PCNX2: variants seen among roughly 807,000 people sequenced by gnomAD.
PCNX2 encodes the protein pecanex 2.
In PCNX2, 168 loss-of-function variants were observed where a neutral mutation model predicts 223.8. The ratio of observed to expected loss-of-function variants is 0.75; its 90% CI spans 0.66 to 0.85. The LOEUF (loss-of-function observed/expected upper bound fraction) is 0.85, where lower values mean the gene tolerates loss of function less well. Ranked by LOEUF, PCNX2 falls within the 40% of genes least tolerant of loss-of-function variation. The pLI is 0.00. For missense variants in PCNX2, 2,507 were observed against 2,675.5 expected (o/e 0.94, Z 1.39); for synonymous variants, 1,006 against 1,052.6 (o/e 0.96, Z 0.86).
intron 8 of PCNX2, among the ~76,000 whole-genome samples, chr1:233,237,270 T>A (rs917550406): frequency 6.6e-6 from 1 of 152,148 alleles, no homozygotes; most frequent in Non-Finnish European, 1.5e-5. Flanking sequence ...TTAATTTTTT[T>A]AAATATTTAA....
chr1:233,198,384 T>C (rs1397052463), intron 15 of PCNX2, among the ~76,000 whole-genome samples: 1 of 152,100 alleles, frequency 6.6e-6, no homozygotes, highest in Non-Finnish European at 1.5e-5. Flanking sequence ...AATAGATACG[T>C]TTCTTGCCTG....
In PCNX2 at chr1:233,236,985, G is replaced by T. The variant is rs999984393; in HGVS notation, c.2223-5C>A. The T allele has an allele frequency of 3.1e-6, 5 of 1,613,558 alleles. No individual in the cohort carries two copies. The African/African-American group carries it at 5.3e-5, about 17-fold the overall frequency. ...GAGGAGCTGACCTGCATCTCTCTGA[G>T]GATGGGCAAAACAAAAGCTTTGGTT... On this transcript the variant is annotated splice_polypyrimidine_tract_variant and splice_region_variant and intron_variant, in intron 8 of 33. Transcript: ENST00000258229.
chr1:233,172,298 C>T lies in PCNX2; in HGVS notation c.3273+5504G>A. 6 of 961,692 alleles carry T rather than the reference C, an allele frequency of 6.2e-6. No individual in the cohort carries two copies. The South Asian group carries it at 1.9e-4, about 31-fold the overall frequency. The allele number at this position is 961,692 out of a possible 1,614,324, so 59.6% of individuals were successfully genotyped here. ...TTGGGAAACACTTGGACAAGGCAACCTTCTAGAAAGGATTTATGTTTGTTT... is the reference window on the plus strand; with the variant it reads ...TTGGGAAACACTTGGACAAGGCAACTTTCTAGAAAGGATTTATGTTTGTTT... On this transcript the variant is annotated intron_variant, in intron 17 of 33. Transcript: ENST00000258229.
chr1:233,098,623 G>A (rs930471993), intron 21 of PCNX2, among the ~76,000 whole-genome samples: 1 of 152,040 alleles, frequency 6.6e-6, no homozygotes, highest in African/African-American at 2.4e-5. Context: ...GAAGAAGCCA[G>A]ATCTCCTGAA....
intron 26 of PCNX2, among the ~76,000 whole-genome samples, chr1:233,022,964 T>A (rs1670948643): frequency 6.6e-6 from 1 of 152,178 alleles, no homozygotes; most frequent in African/African-American, 2.4e-5. Context: ...CCCAAAGTGC[T>A]GGGATTACAG....
chr1:233,199,548 GGTTAT>G (rs1227329160), intron 14 of PCNX2, among the ~76,000 whole-genome samples: 5 of 152,118 alleles, frequency 3.3e-5, no homozygotes, highest in African/African-American at 1.2e-4. Flanking sequence ...AACCCTATGA[GGTTAT>G]GATGTTTATT....
In PCNX2 at chr1:233,112,815, C is replaced by T. The variant is rs1675190241; in HGVS notation, c.3838-16952G>A. Reference sequence around the variant, plus strand: ...AAGTCTTACATGCTAGGCTTGATGTCCCAAATGGGGAGAAAAAGCTGACTC... The same window carrying T: ...AAGTCTTACATGCTAGGCTTGATGTTCCAAATGGGGAGAAAAAGCTGACTC... On this transcript the variant is annotated intron_variant, in intron 21 of 33. Coordinates refer to ENST00000258229, the MANE Select transcript of PCNX2 (RefSeq NM_014801.4). 6 of 1,255,398 alleles carry T rather than the reference C, an allele frequency of 4.8e-6. No homozygotes were observed. In the South Asian group the frequency reaches 7.8e-5, roughly 16 times the overall value. 77.8% of individuals were successfully genotyped at this position (1,255,398 alleles called of 1,614,324 possible). A position where few individuals can be genotyped will look rare whatever the true frequency, so the allele number is the denominator to read the frequency against.
chr1:233,018,231 C>T (rs1207009742), intron 26 of PCNX2, among the ~76,000 whole-genome samples: 1 of 151,438 alleles, frequency 6.6e-6, no homozygotes, highest in Non-Finnish European at 1.5e-5. Flanking sequence ...ATCTTGTTGC[C>T]CAGTCTGGTC....
intron 23 of PCNX2, among the ~76,000 whole-genome samples, chr1:233,059,554 C>T (rs970949590): frequency 1.2e-4 from 18 of 149,974 alleles, no homozygotes; most frequent in East Asian, 1.9e-4. Flanking sequence ...TACACCACAT[C>T]ATACATCTCT....
intron 25 of PCNX2, among the ~76,000 whole-genome samples, chr1:233,026,728 G>A (rs772246320): frequency 1.3e-5 from 2 of 152,208 alleles, no homozygotes; most frequent in Admixed American, 6.5e-5. Context: ...TGAGCAGGAT[G>A]AAGAATGAAA....
intron 15 of PCNX2, among the ~76,000 whole-genome samples, chr1:233,195,344 T>C (rs934644522): frequency 1.3e-5 from 2 of 152,176 alleles, no homozygotes; most frequent in African/African-American, 4.8e-5. Flanking sequence ...CTGGAAAATT[T>C]CCATAGCTAA....
intron 15 of PCNX2, among the ~76,000 whole-genome samples, chr1:233,197,751 AG>A (rs919780835): frequency 4.6e-4 from 70 of 152,336 alleles, no homozygotes; most frequent in African/African-American, 1.7e-3. Flanking sequence ...TCTTTCACAA[AG>A]GGAAATAAAC....
At chr1:233,113,077 C>T in intron 21 of PCNX2, 1 of 1,172,134 alleles carries the variant, frequency 8.5e-7, no homozygotes, top group Non-Finnish European at 1.1e-6. Context: ...ACTAAGAATG[C>T]AGCCACAGGC....
intron 21 of PCNX2, among the ~76,000 whole-genome samples, chr1:233,105,981 T>C (rs780125588): frequency 6.6e-6 from 1 of 152,116 alleles, no homozygotes; most frequent in Non-Finnish European, 1.5e-5. Context: ...TCTGCATGTG[T>C]TGGGGTCTGG....
intron 25 of PCNX2, among the ~76,000 whole-genome samples, chr1:233,050,892 C>A (rs1396455881): frequency 6.6e-6 from 1 of 152,122 alleles, no homozygotes; most frequent in South Asian, 2.1e-4. Flanking sequence ...AGACAACCTA[C>A]AGAATGGGAG....
intron 19 of PCNX2, among the ~76,000 whole-genome samples, chr1:233,150,703 T>TA (rs1677745537): frequency 6.6e-6 from 1 of 152,076 alleles, no homozygotes; most frequent in Non-Finnish European, 1.5e-5. Context: ...TACAAAGTCT[T>TA]ACTCCAATAT....
At chr1:233,200,066 C>G in intron 14 of PCNX2, 88 bp downstream of exon 14, 1 of 1,061,854 alleles carries the variant, frequency 9.4e-7, no homozygotes, top group Non-Finnish European at 1.3e-6. Context: ...GAAAACCTAA[C>G]TAGCCTCTCA....
intron 21 of PCNX2, among the ~76,000 whole-genome samples, chr1:233,134,605 G>C (rs1267232462): frequency 6.6e-6 from 1 of 151,954 alleles, no homozygotes; most frequent in Non-Finnish European, 1.5e-5. Context: ...CAGGGAGGGA[G>C]GCAGGAAGGC....
chr1:233,006,816 T>A (rs1008405365), intron 28 of PCNX2, among the ~76,000 whole-genome samples: 1 of 152,172 alleles, frequency 6.6e-6, no homozygotes, highest in African/African-American at 2.4e-5. Flanking sequence ...GTAGAACATA[T>A]GTAAACAATT....
Sources: gnomAD v4.1 joint callset for allele counts (sites outside exome capture counted in the v4.1 genomes callset) on GRCh38, gnomAD v4.1.1 for gene constraint, MANE v1.5 for transcripts, NCBI Gene and HGNC (gene_info 2026-07-23, HGNC 2026-07-21) for gene names.